The following STXBP6 variants were observed in gnomAD, a reference collection of about 807,000 sequenced individuals.
STXBP6 encodes syntaxin binding protein 6.
STXBP6 carries 21 observed loss-of-function variants against 26.9 expected under a neutral mutation model. The ratio of observed to expected loss-of-function variants is 0.78; its 90% CI spans 0.55 to 1.12. STXBP6 has a LOEUF of 1.12. STXBP6 is among the 50% of genes most tolerant of loss of function. STXBP6 has a pLI of 0.00. For synonymous variants in STXBP6, 97 were observed against 92.6 expected, an observed-to-expected ratio of 1.05 and a Z score of -0.27; for missense variants, 232 against 257.9, an observed-to-expected ratio of 0.90 and a Z score of 0.69.
At chr14:25,012,609 A>AAAAC (rs969505985) in intron 1 of STXBP6, among the ~76,000 whole-genome samples, 3 of 152,320 alleles carry the variant, frequency 2.0e-5, no homozygotes, top group Admixed American at 1.3e-4. Context: ...CAAAAACAAA[A>AAAAC]AAACAAACAA....
chr14:24,969,617 T>C (rs990009943), intron 2 of STXBP6, among the ~76,000 whole-genome samples: 1 of 152,194 alleles, frequency 6.6e-6, no homozygotes, highest in African/African-American at 2.4e-5. Context: ...TCAAATACAT[T>C]TTCCATTAAG....
intron 2 of STXBP6, among the ~76,000 whole-genome samples, chr14:24,945,139 A>ATATTTTT (rs2072937548): frequency 9.9e-6 from 1 of 100,650 alleles, no homozygotes; most frequent in African/African-American, 3.6e-5. Flanking sequence ...CCAATTAGGA[A>ATATTTTT]TTTTTTTTTT....
At chr14:25,004,438 G>A (rs889807534) in intron 1 of STXBP6, among the ~76,000 whole-genome samples, 6 of 152,200 alleles carry the variant, frequency 3.9e-5, no homozygotes, top group Non-Finnish European at 5.9e-5. Context: ...CATGGGGGAG[G>A]GAAGGGCAAT....
intron 2 of STXBP6, among the ~76,000 whole-genome samples, chr14:24,956,499 T>A (rs1054009061): frequency 2.0e-5 from 3 of 152,206 alleles, no homozygotes; most frequent in African/African-American, 7.2e-5. Flanking sequence ...TTCTTTTATA[T>A]CCTTAAAGTG....
At chr14:24,991,408 C>T (rs1352034564) in intron 1 of STXBP6, among the ~76,000 whole-genome samples, 1 of 152,178 alleles carries the variant, frequency 6.6e-6, no homozygotes, top group Admixed American at 6.5e-5. Context: ...GTAGGCCTAA[C>T]AGCTGCCCCA....
chr14:24,829,562 T>C (rs1487677110), intron 4 of STXBP6, among the ~76,000 whole-genome samples: 2 of 152,228 alleles, frequency 1.3e-5, no homozygotes, highest in African/African-American at 4.8e-5. Context: ...CTCTGAGACT[T>C]TGCAGACACT....
At chr14:24,892,597 C>T (rs1333889564) in intron 2 of STXBP6, among the ~76,000 whole-genome samples, 1 of 152,130 alleles carries the variant, frequency 6.6e-6, no homozygotes. Context: ...GGACCCCCCG[C>T]CCCCTCTCCA....
intron 2 of STXBP6, among the ~76,000 whole-genome samples, chr14:24,956,005 T>G (rs1241382977): frequency 6.6e-6 from 1 of 152,116 alleles, no homozygotes; most frequent in African/African-American, 2.4e-5. Context: ...GTCTGTTGGA[T>G]TTTGAAACCC....
At chr14:25,031,809 T>C (rs1394241743) in intron 1 of STXBP6, among the ~76,000 whole-genome samples, 1 of 151,952 alleles carries the variant, frequency 6.6e-6, no homozygotes, top group Non-Finnish European at 1.5e-5. Flanking sequence ...CCACCATCTC[T>C]AGTTATTTTA....
intron 5 of STXBP6, among the ~76,000 whole-genome samples, chr14:24,813,000 T>A (rs997845467): frequency 1.3e-5 from 2 of 152,148 alleles, no homozygotes; most frequent in African/African-American, 4.8e-5. Context: ...CTGTGTGGTG[T>A]TCCTACATCA....
At chr14:24,978,685 C>T (rs901805438) in intron 1 of STXBP6, among the ~76,000 whole-genome samples, 4 of 152,162 alleles carry the variant, frequency 2.6e-5, no homozygotes, top group African/African-American at 9.7e-5. Context: ...GCAGCTGGTT[C>T]CCATAAGTGT....
In STXBP6 at chr14:24,982,860, A is replaced by G. The variant is rs78808764; in HGVS notation, c.-32-8010T>C. Among the ~76,000 whole-genome samples, 228 of 152,346 alleles carry G rather than the reference A, an allele frequency of 1.5e-3. 2 individuals carry two copies. The highest frequency in any genetic ancestry group is 1.9e-3 in the Non-Finnish European group (127 of 68,034). On this transcript the variant is annotated intron_variant, in intron 1 of 5. Coordinates refer to ENST00000323944, the MANE Select transcript of STXBP6 (RefSeq NM_001394410.1). ...ACCTTTTAATCTTGTCAATTACTAC[A>G]TCCTAACTTTCACAAATGATATGAC...
intron 2 of STXBP6, among the ~76,000 whole-genome samples, chr14:24,875,758 A>G (rs2070117801): frequency 6.6e-6 from 1 of 152,184 alleles, no homozygotes; most frequent in African/African-American, 2.4e-5. Flanking sequence ...CACAAATAAC[A>G]TTCATCAAAA....
intron 2 of STXBP6, among the ~76,000 whole-genome samples, chr14:24,920,983 C>G (rs971641004): frequency 6.6e-6 from 1 of 152,084 alleles, no homozygotes; most frequent in African/African-American, 2.4e-5. Flanking sequence ...GCTGACTACA[C>G]AGCAGACACA....
chr14:24,833,820 T>C (rs2068531207), intron 4 of STXBP6, among the ~76,000 whole-genome samples: 1 of 152,206 alleles, frequency 6.6e-6, no homozygotes, highest in Non-Finnish European at 1.5e-5. Context: ...AAAACACCAC[T>C]ATTTCCAAAA....
chr14:25,001,742 C>T (rs1353636511), intron 1 of STXBP6, among the ~76,000 whole-genome samples: 1 of 152,198 alleles, frequency 6.6e-6, no homozygotes, highest in East Asian at 1.9e-4. Context: ...TTTGTCTCTT[C>T]AGACTGTGTT....
intron 4 of STXBP6, among the ~76,000 whole-genome samples, chr14:24,853,579 GA>G (rs1769157531): frequency 6.6e-6 from 1 of 152,096 alleles, no homozygotes; most frequent in Admixed American, 6.6e-5. Context: ...TGATGGAACT[GA>G]AAGAGATTTT....
chr14:24,990,519 G>T (rs531800273), intron 1 of STXBP6, among the ~76,000 whole-genome samples: 1 of 151,996 alleles, frequency 6.6e-6, no homozygotes, highest in African/African-American at 2.4e-5. Flanking sequence ...TTAGCCGGGC[G>T]TGATGGTGCA....
At chr14:24,840,161 T>C (rs1005203286) in intron 4 of STXBP6, among the ~76,000 whole-genome samples, 5 of 152,190 alleles carry the variant, frequency 3.3e-5, no homozygotes, top group African/African-American at 1.2e-4. Context: ...GATATACTTA[T>C]GGTGAGTGAT....
Sources: gnomAD v4.1 joint callset for allele counts (sites outside exome capture counted in the v4.1 genomes callset) on GRCh38, gnomAD v4.1.1 for gene constraint, MANE v1.5 for transcripts, NCBI Gene and HGNC (gene_info 2026-07-23, HGNC 2026-07-21) for gene names.